Variants in CACNB2 observed in about 807,000 individuals in gnomAD.
CACNB2 encodes calcium voltage-gated channel auxiliary subunit beta 2.
In CACNB2, 42 loss-of-function variants were observed where a neutral mutation model predicts 73.3. The ratio of observed to expected loss-of-function variants is 0.57; its 90% CI spans 0.45 to 0.74. CACNB2 has a LOEUF of 0.74. Among genes scored for constraint, CACNB2 ranks in the 30% least tolerant of loss-of-function variants. The pLI is 0.00. For missense variants in CACNB2, 940 were observed against 853.0 expected, an observed-to-expected ratio of 1.10 and a Z score of -1.27; for synonymous variants, 348 against 310.3, an observed-to-expected ratio of 1.12 and a Z score of -1.28.
At chr10:18,446,833 G>A (rs913598560) in intron 3 of CACNB2, among the ~76,000 whole-genome samples, 2 of 152,158 alleles carry the variant, frequency 1.3e-5, no homozygotes, top group Non-Finnish European at 2.9e-5. Context: ...GGAAGGCCGA[G>A]GCAGGAGGAT....
At chr10:18,463,811 T>C (rs2047716826) in intron 3 of CACNB2, among the ~76,000 whole-genome samples, 1 of 152,084 alleles carries the variant, frequency 6.6e-6, no homozygotes, top group Non-Finnish European at 1.5e-5. Context: ...ATGGACATTA[T>C]GGAGTGGCCC....
At chr10:18,241,375 G>T (rs578230339) in intron 2 of CACNB2, among the ~76,000 whole-genome samples, 1 of 152,136 alleles carries the variant, frequency 6.6e-6, no homozygotes, top group Admixed American at 6.5e-5. Context: ...TTTTGACTTT[G>T]TTCCATTAAA....
chr10:18,352,796 A>G (rs1047826318), intron 2 of CACNB2, among the ~76,000 whole-genome samples: 11 of 152,326 alleles, frequency 7.2e-5, no homozygotes, highest in African/African-American at 2.6e-4. Context: ...TGGAATTATT[A>G]GTATATTGGA....
intron 7 of CACNB2, chr10:18,514,639 T>A: frequency 7.6e-7 from 1 of 1,318,458 alleles, no homozygotes; most frequent in South Asian, 1.2e-5. Context: ...AAAGAACCTA[T>A]CAACAGCTAA....
chr10:18,288,251 C>T (rs938979352), intron 2 of CACNB2, among the ~76,000 whole-genome samples: 1 of 152,180 alleles, frequency 6.6e-6, no homozygotes, highest in African/African-American at 2.4e-5. Flanking sequence ...AACATCAGAA[C>T]ATTGTAATTC....
At chr10:18,325,124 A>G (rs933979939) in intron 2 of CACNB2, among the ~76,000 whole-genome samples, 2 of 152,200 alleles carry the variant, frequency 1.3e-5, no homozygotes, top group Non-Finnish European at 2.9e-5. Context: ...GAGCTAGTCC[A>G]GAGCATCCCC....
chr10:18,300,968 A>C (rs60381463), intron 2 of CACNB2, among the ~76,000 whole-genome samples: 7 of 152,214 alleles, frequency 4.6e-5, no homozygotes, highest in African/African-American at 1.7e-4. Context: ...TTTCCTAAGG[A>C]CTAGTGTCAG....
At chr10:18,271,074 A>G (rs1210484459) in intron 2 of CACNB2, among the ~76,000 whole-genome samples, 2 of 152,194 alleles carry the variant, frequency 1.3e-5, no homozygotes, top group Non-Finnish European at 2.9e-5. Context: ...AATTTACTGT[A>G]TACTTGTGTG....
At chr10:18,400,199 T>G (rs1257225774) in intron 2 of CACNB2, among the ~76,000 whole-genome samples, 1 of 152,348 alleles carries the variant, frequency 6.6e-6, no homozygotes, top group Non-Finnish European at 1.5e-5. Flanking sequence ...AATAAAGAAC[T>G]GTGCTATATT....
At chr10:18,359,642 C>A (rs1015542083) in intron 2 of CACNB2, among the ~76,000 whole-genome samples, 3 of 151,394 alleles carry the variant, frequency 2.0e-5, no homozygotes, top group African/African-American at 7.3e-5. Flanking sequence ...CTGGGGTACA[C>A]GTGCAGAACA....
At chr10:18,400,159 C>G (rs571709729) in intron 2 of CACNB2, among the ~76,000 whole-genome samples, 93 of 152,352 alleles carry the variant, frequency 6.1e-4, no homozygotes, top group Non-Finnish European at 2.9e-5. Context: ...CCACGTCACT[C>G]TCTTGCATCT....
intron 3 of CACNB2, among the ~76,000 whole-genome samples, chr10:18,444,352 A>G (rs7090956): frequency 0.5 from 75,275 of 152,044 alleles, 20,091 homozygotes; most frequent in Non-Finnish European, 0.61. Context: ...TAACATCCCA[A>G]TTCTATCACT....
intron 2 of CACNB2, 135 bp from the exon 3 acceptor site, chr10:18,401,789 G>A: frequency 1.1e-6 from 1 of 872,668 alleles, no homozygotes; most frequent in Non-Finnish European, 1.9e-6. Flanking sequence ...ATAGGTTGCT[G>A]CAAAATGAAT....
chr10:18,500,801 T>A lies in CACNB2; in HGVS notation c.457-11T>A. 6.2e-7 allele frequency: 1 copy of A among 1,613,500 alleles called. No individual in the cohort carries two copies. Among genetic ancestry groups the A allele is most frequent in the South Asian group, 1.1e-5 (1 of 91,090 alleles). On this transcript the variant is annotated splice_polypyrimidine_tract_variant and intron_variant, in intron 4 of 13. Transcript: ENST00000324631. ...TGCACTGATTTTTAATGCTTTTGAT[T>A]TTGTGTTTAGAAATTTAACAATGAC...
At chr10:18,509,826 C>T (rs17620201) in intron 6 of CACNB2, among the ~76,000 whole-genome samples, 8,968 of 151,972 alleles carry the variant, frequency 0.059, 339 homozygotes, top group Non-Finnish European at 0.075. Context: ...AAAAAATGTT[C>T]CCAAGGCTCT....
rs188876111 is a variant in CACNB2 at position 18,248,302 on chromosome 10, G to A, written c.213+97327G>A. ...TGGATCTTTCAAAAATTAAAAATTCGTATTTCAATTAATTTACCTTTGGTG... is the reference window on the plus strand; with the variant it reads ...TGGATCTTTCAAAAATTAAAAATTCATATTTCAATTAATTTACCTTTGGTG... On this transcript the variant is annotated intron_variant, in intron 2 of 13. Transcript: ENST00000324631. Among the ~76,000 whole-genome samples the A allele has an allele frequency of 1.4e-3, 211 of 152,238 alleles. 1 individual carries two copies. The highest frequency in any genetic ancestry group is 4.5e-3 in the African/African-American group (188 of 41,540).
intron 9 of CACNB2, among the ~76,000 whole-genome samples, chr10:18,527,121 C>T (rs2052549430): frequency 6.6e-6 from 1 of 151,766 alleles, no homozygotes; most frequent in Admixed American, 6.6e-5. Flanking sequence ...TGGCTCACAC[C>T]TATAATCCCA....
intron 3 of CACNB2, among the ~76,000 whole-genome samples, chr10:18,418,255 A>G (rs1343452301): frequency 6.6e-6 from 1 of 152,174 alleles, no homozygotes; most frequent in Non-Finnish European, 1.5e-5. Flanking sequence ...TTGTATTTTT[A>G]GTAGCAATGG....
intron 2 of CACNB2, among the ~76,000 whole-genome samples, chr10:18,154,469 T>C (rs1236558507): frequency 6.6e-6 from 1 of 151,774 alleles, no homozygotes; most frequent in Non-Finnish European, 1.5e-5. Flanking sequence ...TTTTTTTTTG[T>C]TTTTGTTTTT....
Sources: allele counts gnomAD v4.1 joint callset (sites outside exome capture counted in the v4.1 genomes callset), GRCh38; gene constraint gnomAD v4.1.1; transcripts MANE v1.5; gene names NCBI Gene and HGNC (gene_info 2026-07-23, HGNC 2026-07-21).